The following LRRTM4 variants were observed in gnomAD, a reference collection of about 807,000 sequenced individuals.
The protein encoded by LRRTM4 is leucine rich repeat transmembrane neuronal 4.
Under a neutral mutation model 47.6 loss-of-function variants are expected in LRRTM4, and 25 were observed. The observed-to-expected ratio is 0.53, with a 90% confidence interval of 0.38 to 0.73. The LOEUF (loss-of-function observed/expected upper bound fraction) is 0.73, where lower values mean the gene tolerates loss of function less well. Among genes scored for constraint, LRRTM4 ranks in the 30% least tolerant of loss-of-function variants. The pLI, the probability that LRRTM4 is intolerant of heterozygous loss-of-function variation, is 0.00. For missense variants in LRRTM4, 638 were observed against 713.4 expected, an observed-to-expected ratio of 0.89 and a Z score of 1.20; for synonymous variants, 311 against 269.5, an observed-to-expected ratio of 1.15 and a Z score of -1.51.
intron 3 of LRRTM4, among the ~76,000 whole-genome samples, chr2:76,781,910 C>A (rs1343522368): frequency 6.6e-6 from 1 of 152,116 alleles, no homozygotes; most frequent in Non-Finnish European, 1.5e-5. Flanking sequence ...CATCTGCTGC[C>A]TCTTGATCAT....
In LRRTM4 at chr2:76,878,344, C is replaced by T. The variant is rs137921571; in HGVS notation, c.1552-129428G>A. On this transcript the variant is annotated intron_variant, in intron 3 of 3. Coordinates refer to ENST00000409884, the MANE Select transcript of LRRTM4 (RefSeq NM_001134745.3). ...GAGAGGCAACCATATTGAAATTAGACGAATTAATAACCCTATAATGTCCTC... is the reference window on the plus strand; with the variant it reads ...GAGAGGCAACCATATTGAAATTAGATGAATTAATAACCCTATAATGTCCTC... 1.8e-3 allele frequency among the ~76,000 whole-genome samples: 278 copies of T among 151,958 alleles called. 2 individuals carry two copies. The highest frequency in any genetic ancestry group is 0.01 in the Middle Eastern group (3 of 294).
chr2:77,347,808 A>G (rs957378077), intron 3 of LRRTM4, among the ~76,000 whole-genome samples: 3 of 152,150 alleles, frequency 2.0e-5, no homozygotes, highest in East Asian at 1.9e-4. Flanking sequence ...GCTCTGGTCT[A>G]AAATATGAAC....
chr2:77,298,100 C>A (rs963607811), intron 3 of LRRTM4, among the ~76,000 whole-genome samples: 2 of 152,130 alleles, frequency 1.3e-5, no homozygotes, highest in Non-Finnish European at 2.9e-5. Flanking sequence ...GATCAAGAGA[C>A]GAATGGATTA....
chr2:76,860,314 A>G (rs537441615), intron 3 of LRRTM4, among the ~76,000 whole-genome samples: 31 of 152,334 alleles, frequency 2.0e-4, no homozygotes, highest in African/African-American at 7.5e-4. Flanking sequence ...CAGTCAGAAC[A>G]GTCCATGTTA....
intron 3 of LRRTM4, among the ~76,000 whole-genome samples, chr2:77,345,426 T>C (rs1275837917): frequency 6.6e-6 from 1 of 151,794 alleles, no homozygotes; most frequent in Non-Finnish European, 1.5e-5. Context: ...GTGAAGAATA[T>C]ATAAAGAATT....
intron 3 of LRRTM4, among the ~76,000 whole-genome samples, chr2:76,810,867 C>T (rs758514474): frequency 7.9e-5 from 12 of 152,120 alleles, no homozygotes; most frequent in Non-Finnish European, 1.2e-4. Context: ...CTAGTTATTA[C>T]ACAACATTAC....
chr2:76,930,193 T>G (rs893658052), intron 3 of LRRTM4, among the ~76,000 whole-genome samples: 7 of 152,070 alleles, frequency 4.6e-5, no homozygotes, highest in Admixed American at 1.3e-4. Flanking sequence ...TGTAATTAGG[T>G]AGGGGGTTTC....
At chr2:77,253,557 T>C (rs1421101053) in intron 3 of LRRTM4, among the ~76,000 whole-genome samples, 2 of 152,060 alleles carry the variant, frequency 1.3e-5, no homozygotes, top group Admixed American at 6.6e-5. Flanking sequence ...CCTTGACATA[T>C]TGAGAACCAG....
chr2:77,354,995 C>A (rs1319604488), intron 3 of LRRTM4, among the ~76,000 whole-genome samples: 1 of 152,074 alleles, frequency 6.6e-6, no homozygotes, highest in Non-Finnish European at 1.5e-5. Context: ...TACAACTGCA[C>A]AATCGCTCAT....
intron 3 of LRRTM4, among the ~76,000 whole-genome samples, chr2:77,271,049 C>T (rs1364952326): frequency 3.3e-5 from 5 of 152,172 alleles, no homozygotes; most frequent in Admixed American, 1.3e-4. Context: ...GAAGAGACAA[C>T]CTGACTTCAG....
rs151276384 is a variant in LRRTM4 at position 77,019,796 on chromosome 2, G to A, written c.1552-270880C>T. ...ACCAGAAAATTTTTATCAAAAGTGA[G>A]GCTCCAATATAATAAAAATTTTAAA... On this transcript the variant is annotated intron_variant, in intron 3 of 3. Transcript: ENST00000409884. Among the ~76,000 whole-genome samples, 10 of 152,066 alleles carry A rather than the reference G, an allele frequency of 6.6e-5. No homozygotes were observed. The East Asian group carries it at 1.9e-3, about 29-fold the overall frequency.
At chr2:76,934,695 A>G (rs1048444312) in intron 3 of LRRTM4, among the ~76,000 whole-genome samples, 8 of 152,214 alleles carry the variant, frequency 5.3e-5, no homozygotes, top group Non-Finnish European at 8.8e-5. Flanking sequence ...AACTGGCATG[A>G]GTTGGAAACA....
rs187791149 is a variant in LRRTM4, at chr2:77,405,410, T to A, written c.1551+112908A>T. On this transcript the variant is annotated intron_variant, in intron 3 of 3. Transcript: ENST00000409884. ...ACCATCCTAACCCTTTAAAACCTGA[T>A]TTCTGTTTTATGGAACAACATGCAC... Among the ~76,000 whole-genome samples the A allele has an allele frequency of 1.3e-3, 200 of 152,168 alleles. 2 individuals carry two copies. The highest frequency in any genetic ancestry group is 3.3e-3 in the East Asian group (17 of 5,150).
intron 3 of LRRTM4, among the ~76,000 whole-genome samples, chr2:77,118,748 C>G (rs868669023): frequency 2.6e-5 from 4 of 151,484 alleles, no homozygotes; most frequent in Non-Finnish European, 4.4e-5. Context: ...TTTGAGAGCC[C>G]GAGACAAGTT....
chr2:77,110,391 A>G (rs1671218265), intron 3 of LRRTM4, among the ~76,000 whole-genome samples: 1 of 152,192 alleles, frequency 6.6e-6, no homozygotes, highest in Non-Finnish European at 1.5e-5. Context: ...AACCTTGCTA[A>G]AGTTTCTCCT....
intron 3 of LRRTM4, among the ~76,000 whole-genome samples, chr2:77,046,215 A>C (rs139428529): frequency 2.0e-5 from 3 of 151,996 alleles, no homozygotes; most frequent in Non-Finnish European, 2.9e-5. Context: ...ACTGCAATAG[A>C]ACCAGCTCTA....
intron 3 of LRRTM4, among the ~76,000 whole-genome samples, chr2:77,307,571 G>A: frequency 8.0e-6 from 1 of 124,520 alleles, no homozygotes; most frequent in Non-Finnish European, 1.6e-5. Context: ...TAAATATATA[G>A]ATATATCTAT....
intron 3 of LRRTM4, among the ~76,000 whole-genome samples, chr2:77,344,944 A>T (rs901815285): frequency 2.6e-5 from 4 of 151,788 alleles, no homozygotes; most frequent in African/African-American, 9.6e-5. Flanking sequence ...ATCTATGATC[A>T]ATTCTTTCTA....
chr2:77,485,278 C>G (rs576361357), intron 3 of LRRTM4, among the ~76,000 whole-genome samples: 1 of 151,934 alleles, frequency 6.6e-6, no homozygotes, highest in South Asian at 2.1e-4. Context: ...ACAAAGAGAC[C>G]AAGTAAACCT....
Sources: allele counts gnomAD v4.1 joint callset (sites outside exome capture counted in the v4.1 genomes callset), GRCh38; gene constraint gnomAD v4.1.1; transcripts MANE v1.5; gene names NCBI Gene and HGNC (gene_info 2026-07-23, HGNC 2026-07-21).